The following RNPC3 variants were observed in gnomAD, a reference collection of about 807,000 sequenced individuals.
RNPC3 encodes RNA binding region (RNP1, RRM) containing 3.
In RNPC3, 48 loss-of-function variants were observed where a neutral mutation model predicts 67.5. That is an observed-to-expected ratio of 0.71 (90% CI 0.56 to 0.90). The LOEUF is 0.90. Ranked by LOEUF, RNPC3 falls within the 40% of genes least tolerant of loss-of-function variation. The probability of loss-of-function intolerance (pLI) is 0.00; values close to 1 mark genes in which losing one functional copy is unlikely to be tolerated. For synonymous variants in RNPC3, 239 were observed against 210.3 expected (o/e 1.14, Z -1.18); for missense variants, 637 against 626.1 (o/e 1.02, Z -0.19).
At position 103,526,063 on chromosome 1, in the gene RNPC3, C is replaced by A; in HGVS notation, c.-8C>A. On this transcript the variant is annotated 5_prime_UTR_variant, in exon 1 of 15. Transcript: ENST00000423855. ...CCCACGATTTCTGTTTTTGCTTCTC[C>A]AAGGAAAATGGCAGCTCCCGAGCAG... 6.6e-7 allele frequency: 1 copy of A among 1,512,848 alleles called. No homozygotes were observed. Among genetic ancestry groups the A allele is most frequent in the Non-Finnish European group, 8.9e-7 (1 of 1,123,418 alleles). 93.7% of individuals were successfully genotyped at this position (1,512,848 alleles called of 1,614,324 possible).
At chr1:103,550,800 T>C (rs1237125756) in intron 12 of RNPC3, 141 bp from the exon 13 acceptor site, 1 of 755,466 alleles carries the variant, frequency 1.3e-6, no homozygotes, top group African/African-American at 1.8e-5. Flanking sequence ...GAAATATATT[T>C]TTAGAAAACT....
intron 4 of RNPC3, 75 bp from the exon 5 acceptor site, chr1:103,535,255 A>G: frequency 1.1e-6 from 1 of 885,774 alleles, no homozygotes; most frequent in South Asian, 1.5e-5. Context: ...TGTGTTTGTT[A>G]TCAGGTTACC....
At chr1:103,530,300 A>T (rs1262047736) in intron 2 of RNPC3, among the ~76,000 whole-genome samples, 1 of 152,220 alleles carries the variant, frequency 6.6e-6, no homozygotes, top group Non-Finnish European at 1.5e-5. Context: ...AAGGACAAGT[A>T]GAGCAATAAG....
intron 12 of RNPC3, among the ~76,000 whole-genome samples, chr1:103,548,382 T>C (rs893977162): frequency 2.0e-5 from 3 of 152,166 alleles, no homozygotes; most frequent in Admixed American, 2.0e-4. Context: ...GCTTAGAGAT[T>C]TCTTCCGACA....
chr1:103,553,199 T>C (rs1365022686), intron 14 of RNPC3: 1 of 152,230 alleles, frequency 6.6e-6, no homozygotes, highest in Non-Finnish European at 1.5e-5. Flanking sequence ...TCTGTATTTT[T>C]AAACATCATT....
intron 9 of RNPC3, among the ~76,000 whole-genome samples, chr1:103,544,238 C>T (rs1651192769): frequency 6.6e-6 from 1 of 151,680 alleles, no homozygotes; most frequent in Admixed American, 6.6e-5. Flanking sequence ...ACACATTTCA[C>T]TCTTATTTTT....
rs1226857413 is a variant in RNPC3 at position 103,535,311 on chromosome 1, A to C, written c.444-19A>C. 4 of 1,460,012 alleles carry C rather than the reference A, an allele frequency of 2.7e-6. No individual in the cohort carries two copies. The South Asian group carries it at 4.9e-5, about 18-fold the overall frequency. The allele number at this position is 1,460,012 out of a possible 1,614,324, so 90.4% of individuals were successfully genotyped here. ...AAATTATGAAAACATAAGCATCTTA[A>C]ATGTTTTTTGTTTTATAGGCTGACT... is the stretch of plus-strand genomic sequence containing the variant. On this transcript the variant is annotated intron_variant, in intron 4 of 14. Coordinates refer to ENST00000423855, the MANE Select transcript of RNPC3 (RefSeq NM_017619.4).
intron 4 of RNPC3, among the ~76,000 whole-genome samples, 176 bp downstream of exon 4, chr1:103,535,033 A>G (rs1650947509): frequency 6.6e-6 from 1 of 152,018 alleles, no homozygotes; most frequent in Non-Finnish European, 1.5e-5. Flanking sequence ...AAAAACAAAG[A>G]TATTTAATGT....
At chr1:103,541,238 T>C (rs1016539087) in intron 7 of RNPC3, 112 bp from the exon 8 acceptor site, 48 of 739,114 alleles carry the variant, frequency 6.5e-5, no homozygotes, top group Non-Finnish European at 9.0e-5. Flanking sequence ...AGTAAATCAT[T>C]TTATAATTTA....
chr1:103,537,737 G>A lies in RNPC3; in HGVS notation c.767+253G>A, dbSNP rs149794355. 4.3e-3 allele frequency among the ~76,000 whole-genome samples: 647 copies of A among 152,174 alleles called. 8 individuals carry two copies. The highest frequency in any genetic ancestry group is 0.014 in the African/African-American group (576 of 41,544). ...TGATGATTATGGTATTATAAAGTACGTTCGAGCCTTGTTATTTGTGGATTC... is the reference window on the plus strand; with the variant it reads ...TGATGATTATGGTATTATAAAGTACATTCGAGCCTTGTTATTTGTGGATTC... On this transcript the variant is annotated intron_variant, in intron 7 of 14. Transcript: ENST00000423855.
chr1:103,537,876 T>C (rs1328217687), intron 7 of RNPC3, among the ~76,000 whole-genome samples: 2 of 152,068 alleles, frequency 1.3e-5, no homozygotes, highest in Non-Finnish European at 2.9e-5. Flanking sequence ...GGAGTTTCGC[T>C]CTTATTGCCC....
chr1:103,546,854 AT>A, intron 11 of RNPC3, 122 bp from the exon 12 acceptor site: 3 of 536,016 alleles, frequency 5.6e-6, no homozygotes, highest in Non-Finnish European at 9.6e-6. Flanking sequence ...CACCAGTCAT[AT>A]TAGATTAAAG....
chr1:103,539,281 G>A (rs137985213), intron 7 of RNPC3, among the ~76,000 whole-genome samples: 2 of 152,160 alleles, frequency 1.3e-5, no homozygotes, highest in Admixed American at 6.5e-5. Flanking sequence ...ACAAATAATC[G>A]CAATTTGACT....
chr1:103,550,632 C>A (rs1241900027), intron 12 of RNPC3, among the ~76,000 whole-genome samples: 2 of 112,244 alleles, frequency 1.8e-5, no homozygotes, highest in Non-Finnish European at 3.4e-5. Flanking sequence ...CAGAGTGAGA[C>A]TCTGTCTCAA....
At chr1:103,552,049 T>C (rs903509082) in intron 14 of RNPC3, 1 of 267,692 alleles carries the variant, frequency 3.7e-6, no homozygotes, top group Non-Finnish European at 7.0e-6. Flanking sequence ...TTTTTCTGCC[T>C]ATAGTAAAGC....
chr1:103,537,053 A>G (rs181050842), intron 6 of RNPC3, among the ~76,000 whole-genome samples: 220 of 152,282 alleles, frequency 1.4e-3, no homozygotes, highest in Non-Finnish European at 2.5e-3. Context: ...GAAGAATTGT[A>G]TGTGGGAGTT....
rs1651012115 is a variant in RNPC3 at position 103,537,405 on chromosome 1, C to G, written c.688C>G (p.Pro230Ala). Reference protein sequence around the residue: ...PPTSPQPPEEPPLPDEDEELS... With the variant: ...PPTSPQPPEEAPLPDEDEELS... ...CACATCTCCTCAGCCACCTGAGGAA[C>G]CTCCTTTGCCAGACGAGGATGAGGA... The change falls in exon 7 of 15, where the codon CCT becomes GCT. Residue 230 changes from proline to alanine, a missense_variant. Pro to Ala is a conservative substitution (Grantham distance 27). This residue lies in a region of RNPC3 where 536 missense variants were observed against 500.3 expected (regional missense o/e 1.07). Coordinates refer to ENST00000423855, the MANE Select transcript of RNPC3 (RefSeq NM_017619.4). The G allele has an allele frequency of 1.3e-6, 2 of 1,535,452 alleles. No individual in the cohort carries two copies. Among genetic ancestry groups the G allele is most frequent in the Non-Finnish European group, 1.7e-6 (2 of 1,145,654 alleles).
Position 103,534,873 on chromosome 1 carries a change from T to G in RNPC3, c.443+16T>G, listed in dbSNP as rs776122205. 1.2e-5 allele frequency: 18 copies of G among 1,481,088 alleles called. No individual in the cohort carries two copies. In the South Asian group the frequency reaches 2.0e-4, roughly 16 times the overall value. 91.7% of individuals were successfully genotyped at this position (1,481,088 alleles called of 1,614,324 possible). On this transcript the variant is annotated intron_variant, in intron 4 of 14. Coordinates refer to ENST00000423855, the MANE Select transcript of RNPC3 (RefSeq NM_017619.4). Reference sequence around the variant, plus strand: ...CAAACCATGGGTTAGCATTTTTGTTTGCTTTTCTTTTGCTTTTGTTCTGTG... The same window carrying G: ...CAAACCATGGGTTAGCATTTTTGTTGGCTTTTCTTTTGCTTTTGTTCTGTG...
intron 2 of RNPC3, among the ~76,000 whole-genome samples, chr1:103,529,273 A>C: frequency 6.6e-6 from 1 of 152,182 alleles, no homozygotes; most frequent in Non-Finnish European, 1.5e-5. Flanking sequence ...TTTCAGAAAA[A>C]AAGTATTTTT....
Sources: gnomAD v4.1 joint callset for allele counts (sites outside exome capture counted in the v4.1 genomes callset) on GRCh38, gnomAD v4.1.1 for gene constraint, gnomAD v4.1.1 regional missense constraint, MANE v1.5 for transcripts, NCBI Gene and HGNC (gene_info 2026-07-23, HGNC 2026-07-21) for gene names.